ASTN1: variants seen among roughly 807,000 people sequenced by gnomAD.
The protein encoded by ASTN1 is astrotactin 1.
A neutral mutation model predicts 140.7 loss-of-function variants in ASTN1; 41 were observed. The ratio of observed to expected loss-of-function variants is 0.29; its 90% CI spans 0.23 to 0.38. ASTN1 has a LOEUF of 0.38. ASTN1 is among the 10% of genes least tolerant of loss of function. ASTN1 has a pLI of 1.00. For synonymous variants in ASTN1, 640 were observed against 652.2 expected, an observed-to-expected ratio of 0.98 and a Z score of 0.29; for missense variants, 1,479 against 1,678.8, an observed-to-expected ratio of 0.88 and a Z score of 2.08.
At chr1:177,040,789 A>G (rs536604633) in intron 2 of ASTN1, among the ~76,000 whole-genome samples, 30 of 152,316 alleles carry the variant, frequency 2.0e-4, no homozygotes, top group Admixed American at 5.2e-4. Flanking sequence ...GTTTGTCTTC[A>G]ATTCCTGTAT....
chr1:177,051,293 A>G (rs1677530229), intron 2 of ASTN1, among the ~76,000 whole-genome samples: 1 of 152,250 alleles, frequency 6.6e-6, no homozygotes, highest in Non-Finnish European at 1.5e-5. Flanking sequence ...TCTGCAGACA[A>G]AATGAGGAGA....
chr1:176,990,747 A>C (rs563573894), intron 8 of ASTN1, among the ~76,000 whole-genome samples: 70 of 152,150 alleles, frequency 4.6e-4, no homozygotes, highest in Admixed American at 1.4e-3. Flanking sequence ...TCTCCAATCC[A>C]ACTTTACATA....
intron 2 of ASTN1, among the ~76,000 whole-genome samples, chr1:177,056,287 CT>C (rs1677799117): frequency 6.6e-6 from 1 of 152,166 alleles, no homozygotes; most frequent in Non-Finnish European, 1.5e-5. Context: ...GCACCTGCCT[CT>C]TTTGTCTCCA....
chr1:176,869,539 AAGAAG>A (rs1300516288), intron 21 of ASTN1, among the ~76,000 whole-genome samples: 1 of 152,218 alleles, frequency 6.6e-6, no homozygotes, highest in Non-Finnish European at 1.5e-5. Flanking sequence ...TGAAGCAAGA[AAGAAG>A]AGAAAGTAAA....
chr1:176,963,866 A>G (rs1353158565), intron 9 of ASTN1, among the ~76,000 whole-genome samples: 2 of 152,216 alleles, frequency 1.3e-5, no homozygotes, highest in Non-Finnish European at 1.5e-5. Context: ...CCCATGTCAC[A>G]GTCCAAGGAA....
chr1:176,957,623 G>T (rs561757863), intron 11 of ASTN1, 55 bp downstream of exon 11: 1 of 1,596,094 alleles, frequency 6.3e-7, no homozygotes, highest in Non-Finnish European at 8.6e-7. Flanking sequence ...GTCTTCCCCC[G>T]TGCCTTTCCT....
intron 1 of ASTN1, among the ~76,000 whole-genome samples, chr1:177,079,439 A>C (rs986010708): frequency 6.6e-6 from 1 of 152,180 alleles, no homozygotes; most frequent in African/African-American, 2.4e-5. Flanking sequence ...CCTGCTCAAG[A>C]ACTTAGACCC....
At position 176,882,846 on chromosome 1, in the gene ASTN1, G is replaced by A. The variant is rs1668864894; in HGVS notation, c.3362+13C>T. On this transcript the variant is annotated intron_variant, in intron 20 of 22. Transcript: ENST00000361833. Reference sequence around the variant, plus strand: ...CAGGGTAAGAAGTCACTAGGTAGGTGTGTGTTACTCACATGTAAATGGTGT... The same window carrying A: ...CAGGGTAAGAAGTCACTAGGTAGGTATGTGTTACTCACATGTAAATGGTGT... The A allele has an allele frequency of 1.2e-6, 2 of 1,614,070 alleles. No individual in the cohort carries two copies. The highest frequency in any genetic ancestry group is 2.2e-5 in the East Asian group (1 of 44,852).
At chr1:177,067,890 A>T (rs1203447443) in intron 1 of ASTN1, among the ~76,000 whole-genome samples, 1 of 151,534 alleles carries the variant, frequency 6.6e-6, no homozygotes, top group Non-Finnish European at 1.5e-5. Context: ...AACCCGGGAA[A>T]CAATGGCCCT....
chr1:177,114,614 C>T (rs1680990469), intron 1 of ASTN1, among the ~76,000 whole-genome samples: 1 of 152,066 alleles, frequency 6.6e-6, no homozygotes, highest in African/African-American at 2.4e-5. Flanking sequence ...CCCACCTTAT[C>T]CAGAATTCCT....
intron 10 of ASTN1, 91 bp downstream of exon 10, chr1:176,958,254 G>C: frequency 6.3e-7 from 1 of 1,582,296 alleles, no homozygotes; most frequent in South Asian, 1.2e-5. Context: ...TAGCTTGTTG[G>C]GACTCCTTCC....
intron 2 of ASTN1, among the ~76,000 whole-genome samples, chr1:177,045,224 C>G (rs1164059171): frequency 2.0e-5 from 3 of 152,160 alleles, no homozygotes; most frequent in Non-Finnish European, 4.4e-5. Context: ...ATCCCTAATT[C>G]TGTTGCTCCC....
chr1:177,076,620 C>G (rs557943399), intron 1 of ASTN1, among the ~76,000 whole-genome samples: 1 of 151,728 alleles, frequency 6.6e-6, no homozygotes, highest in Non-Finnish European at 1.5e-5. Flanking sequence ...CTCCCAGGTT[C>G]CAGTGATTCT....
chr1:177,089,549 A>C (rs1168717220), intron 1 of ASTN1, among the ~76,000 whole-genome samples: 1 of 152,114 alleles, frequency 6.6e-6, no homozygotes, highest in Non-Finnish European at 1.5e-5. Context: ...TAGAAACCTT[A>C]TGCCAGCCAG....
At chr1:177,148,579 C>A (rs760946609) in intron 1 of ASTN1, among the ~76,000 whole-genome samples, 1 of 151,548 alleles carries the variant, frequency 6.6e-6, no homozygotes, top group Non-Finnish European at 1.5e-5. Context: ...TGGGAAATAA[C>A]TAGGCCTTTG....
chr1:176,979,938 C>G (rs895216005), intron 8 of ASTN1, among the ~76,000 whole-genome samples: 2 of 152,128 alleles, frequency 1.3e-5, no homozygotes, highest in Admixed American at 1.3e-4. Context: ...CATCAACAAT[C>G]TTTAAGAAAT....
chr1:177,005,047 AC>A (rs1380916457), intron 8 of ASTN1, among the ~76,000 whole-genome samples: 1 of 152,214 alleles, frequency 6.6e-6, no homozygotes, highest in Admixed American at 6.5e-5. Flanking sequence ...TCAAGAGTAA[AC>A]AGACAACCTA....
chr1:176,982,741 A>G (rs1673681346), intron 8 of ASTN1, among the ~76,000 whole-genome samples: 1 of 152,190 alleles, frequency 6.6e-6, no homozygotes, highest in Non-Finnish European at 1.5e-5. Context: ...AACGTACCCA[A>G]AGAGATTCTA....
chr1:177,145,686 G>T (rs573300141), intron 1 of ASTN1, among the ~76,000 whole-genome samples: 21 of 152,336 alleles, frequency 1.4e-4, no homozygotes, highest in African/African-American at 5.1e-4. Context: ...CTGTCAGTCA[G>T]TCAGTCTGTC....
Sources: gnomAD v4.1 joint callset for allele counts (sites outside exome capture counted in the v4.1 genomes callset) on GRCh38, gnomAD v4.1.1 for gene constraint, MANE v1.5 for transcripts, NCBI Gene and HGNC (gene_info 2026-07-23, HGNC 2026-07-21) for gene names.